Variants in MRPL42 observed in about 807,000 individuals in gnomAD.
The protein encoded by MRPL42 is large ribosomal subunit protein mL42.
MRPL42 carries 17 observed loss-of-function variants against 17.9 expected under a neutral mutation model. The observed-to-expected ratio is 0.95, with a 90% CI of 0.65 to 1.42. MRPL42 has a LOEUF of 1.42. Ranked by LOEUF, MRPL42 falls within the 40% of genes most tolerant of loss-of-function variation. The probability of loss-of-function intolerance (pLI) is 0.00; values close to 1 mark genes in which losing one functional copy is unlikely to be tolerated. For synonymous variants in MRPL42, 59 were observed against 54.4 expected, an observed-to-expected ratio of 1.08 and a Z score of -0.37; for missense variants, 177 against 175.2, an observed-to-expected ratio of 1.01 and a Z score of -0.06.
intron 4 of MRPL42, among the ~76,000 whole-genome samples, chr12:93,481,842 C>T (rs951183052): frequency 6.6e-6 from 1 of 152,176 alleles, no homozygotes; most frequent in Non-Finnish European, 1.5e-5. Context: ...TAACCTACAT[C>T]GATTGATCCA....
intron 4 of MRPL42, among the ~76,000 whole-genome samples, chr12:93,483,618 G>A (rs1370710551): frequency 1.3e-5 from 2 of 152,172 alleles, no homozygotes; most frequent in Non-Finnish European, 2.9e-5. Context: ...TTATAGGACT[G>A]GAAGTTGCCC....
intron 2 of MRPL42, among the ~76,000 whole-genome samples, chr12:93,476,710 T>A (rs1323842181): frequency 6.6e-6 from 1 of 152,204 alleles, no homozygotes; most frequent in African/African-American, 2.4e-5. Context: ...TTTGCCAATG[T>A]TTACCATTCC....
chr12:93,472,148 T>C (rs1879940260), intron 2 of MRPL42, among the ~76,000 whole-genome samples: 1 of 152,168 alleles, frequency 6.6e-6, no homozygotes, highest in Non-Finnish European at 1.5e-5. Flanking sequence ...ATCTGAATGG[T>C]TTAGAGTTAA....
chr12:93,496,456 T>C (rs1953506715), intron 5 of MRPL42, among the ~76,000 whole-genome samples: 1 of 151,786 alleles, frequency 6.6e-6, no homozygotes, highest in Non-Finnish European at 1.5e-5. Flanking sequence ...TAATAAACTA[T>C]AATTATATGC....
chr12:93,475,608 A>G (rs1396887199), intron 2 of MRPL42, among the ~76,000 whole-genome samples: 19 of 152,142 alleles, frequency 1.2e-4, no homozygotes, highest in Admixed American at 1.2e-3. Context: ...TTTTAACTAT[A>G]TTGAGCTACT....
In MRPL42 at chr12:93,507,091, T is replaced by A. The variant is rs1349937616; in HGVS notation, c.*5870T>A. 6.6e-6 allele frequency: 1 copy of A among 152,226 alleles called. No individual in the cohort carries two copies. Among genetic ancestry groups the A allele is most frequent in the Non-Finnish European group, 1.5e-5 (1 of 68,040 alleles). 9.4% of individuals were successfully genotyped at this position (152,226 alleles called of 1,614,324 possible). ...TTTATGCATATACATACTGATGAAA[T>A]GTGCCTTTAGCAATAGATGTGTCCA... On this transcript the variant is annotated 3_prime_UTR_variant, in exon 6 of 6. Coordinates refer to ENST00000549982, the MANE Select transcript of MRPL42 (RefSeq NM_014050.4).
In MRPL42 at chr12:93,514,607, ATT is replaced by A. The variant is rs759748859; in HGVS notation, c.*13387_*13388del. 1 of 152,152 alleles carries A rather than the reference ATT, an allele frequency of 6.6e-6. No homozygotes were observed. The highest frequency in any genetic ancestry group is 1.5e-5 in the Non-Finnish European group (1 of 68,026). The allele number at this position is 152,152 out of a possible 1,614,324, so 9.4% of individuals were successfully genotyped here. A position where few individuals can be genotyped will look rare whatever the true frequency, so the allele number is the denominator to read the frequency against. On this transcript the variant is annotated 3_prime_UTR_variant, in exon 6 of 6. Coordinates refer to ENST00000549982, the MANE Select transcript of MRPL42 (RefSeq NM_014050.4). ...GTTTTAATGGAAAGTGTTTCCTTAT[ATT>A]GAGTGGAAATCAGTCTGCTTATGGT...
Position 93,502,661 on chromosome 12 carries a change from C to T in MRPL42, c.*1440C>T, listed in dbSNP as rs1490012454. 6.6e-6 allele frequency: 1 copy of T among 152,086 alleles called. No individual in the cohort carries two copies. Among genetic ancestry groups the T allele is most frequent in the East Asian group, 1.9e-4 (1 of 5,198 alleles). The allele number at this position is 152,086 out of a possible 1,614,324, so 9.4% of individuals were successfully genotyped here. ...TTGATAAATCAGAAATATTTACCAG[C>T]TTTGTCGATGGTGTATTCTTGAAAA... On this transcript the variant is annotated 3_prime_UTR_variant, in exon 6 of 6. Coordinates refer to ENST00000549982, the MANE Select transcript of MRPL42 (RefSeq NM_014050.4).
intron 5 of MRPL42, among the ~76,000 whole-genome samples, chr12:93,488,893 G>A (rs1190112894): frequency 6.9e-6 from 1 of 145,610 alleles, no homozygotes; most frequent in Non-Finnish European, 1.5e-5. Context: ...GTCTCATTAT[G>A]TTACCCAGGC....
At chr12:93,494,651 G>A (rs533841271) in intron 5 of MRPL42, among the ~76,000 whole-genome samples, 1 of 152,232 alleles carries the variant, frequency 6.6e-6, no homozygotes, top group South Asian at 2.1e-4. Flanking sequence ...AGAGGTCAAG[G>A]GACAGGTCTT....
chr12:93,479,121 G>A (rs901348114), intron 3 of MRPL42, among the ~76,000 whole-genome samples: 1 of 150,894 alleles, frequency 6.6e-6, no homozygotes, highest in African/African-American at 2.4e-5. Context: ...TAGTAGAGAC[G>A]GGGTTTTGCC....
rs904242835 is a variant in MRPL42 at position 93,503,596 on chromosome 12, C to A, written c.*2375C>A. ...ACGGGGTTTCGCCATGTTGCCCAGG[C>A]TGGTCTTGAACTCCTGGGCTCAAAG... On this transcript the variant is annotated 3_prime_UTR_variant, in exon 6 of 6. Coordinates refer to ENST00000549982, the MANE Select transcript of MRPL42 (RefSeq NM_014050.4). 9 of 151,626 alleles carry A rather than the reference C, an allele frequency of 5.9e-5. No individual in the cohort carries two copies. The highest frequency in any genetic ancestry group is 8.8e-5 in the Non-Finnish European group (6 of 68,012). The allele number at this position is 151,626 out of a possible 1,614,324, so 9.4% of individuals were successfully genotyped here. A position where few individuals can be genotyped will look rare whatever the true frequency, so the allele number is the denominator to read the frequency against.
intron 5 of MRPL42, among the ~76,000 whole-genome samples, chr12:93,496,378 A>G (rs1401624796): frequency 6.6e-6 from 1 of 152,144 alleles, no homozygotes; most frequent in African/African-American, 2.4e-5. Context: ...AACAAAGAGA[A>G]AATACTCCAG....
chr12:93,504,528 T>C lies in MRPL42; in HGVS notation c.*3307T>C, dbSNP rs759604449. On this transcript the variant is annotated 3_prime_UTR_variant, in exon 6 of 6. Transcript: ENST00000549982. ...TTTTAAAAAATCTTTATCAATTTAG[T>C]AGGCAAAGACTGGAAAATGTTTTAA... The C allele has an allele frequency of 6.6e-6, 1 of 152,362 alleles. No individual in the cohort carries two copies. The highest frequency in any genetic ancestry group is 3.3e-3 in the Middle Eastern group (1 of 306). The allele number at this position is 152,362 out of a possible 1,614,324, so 9.4% of individuals were successfully genotyped here. A position where few individuals can be genotyped will look rare whatever the true frequency, so the allele number is the denominator to read the frequency against.
In MRPL42 at chr12:93,476,975, G is replaced by T; in HGVS notation, c.92G>T (p.Cys31Phe). Reference sequence around the variant, plus strand: ...GCAGATGGAGCTTTATATTGTGTTTGTCATAAATCTACGTATTCTCCTCTA... The same window carrying T: ...GCAGATGGAGCTTTATATTGTGTTTTTCATAAATCTACGTATTCTCCTCTA... ...PVQNGALYCV[C>F]HKSTYSPLPD... Residue 31 changes from cysteine to phenylalanine, a missense_variant, in exon 3 of 6, where the codon TGT becomes TTT. Cys to Phe is a radical substitution (Grantham distance 205). Coordinates refer to ENST00000549982, the MANE Select transcript of MRPL42 (RefSeq NM_014050.4). The T allele has an allele frequency of 6.2e-7, 1 of 1,609,568 alleles. No individual in the cohort carries two copies. Among genetic ancestry groups the T allele is most frequent in the Non-Finnish European group, 8.5e-7 (1 of 1,177,096 alleles).
At chr12:93,472,363 G>T (rs1879952605) in intron 2 of MRPL42, among the ~76,000 whole-genome samples, 1 of 151,844 alleles carries the variant, frequency 6.6e-6, no homozygotes, top group Admixed American at 6.6e-5. Context: ...GCTGAAGCAG[G>T]CTCTGAAGTT....
chr12:93,474,820 G>A (rs2121175155), intron 2 of MRPL42, among the ~76,000 whole-genome samples: 1 of 151,982 alleles, frequency 6.6e-6, no homozygotes, highest in East Asian at 1.9e-4. Flanking sequence ...GCCAGGTGCA[G>A]TGGCTCACAC....
chr12:93,468,807 G>T (rs1879763643), intron 1 of MRPL42, among the ~76,000 whole-genome samples: 1 of 152,058 alleles, frequency 6.6e-6, no homozygotes, highest in Non-Finnish European at 1.5e-5. Flanking sequence ...AAATGATGTA[G>T]TATCTTGTGT....
At chr12:93,469,977 C>CTCTTTT (rs1256619048) in intron 2 of MRPL42, among the ~76,000 whole-genome samples, 1 of 121,106 alleles carries the variant, frequency 8.3e-6, no homozygotes, top group Non-Finnish European at 1.8e-5. Flanking sequence ...TAGTATTTCT[C>CTCTTTT]TCTTTTTTTT....
Sources: gnomAD v4.1 joint callset for allele counts (sites outside exome capture counted in the v4.1 genomes callset) on GRCh38, gnomAD v4.1.1 for gene constraint, MANE v1.5 for transcripts, NCBI Gene and HGNC (gene_info 2026-07-23, HGNC 2026-07-21) for gene names.